Variants in FBLIM1 observed in about 807,000 individuals in gnomAD.
FBLIM1 encodes the protein filamin-binding LIM protein 1.
Under a neutral mutation model 37.4 loss-of-function variants are expected in FBLIM1, and 29 were observed. That is an observed-to-expected ratio of 0.77 (90% CI 0.58 to 1.06). The LOEUF (loss-of-function observed/expected upper bound fraction) is 1.06, where lower values mean the gene tolerates loss of function less well. FBLIM1 is among the 50% of genes least tolerant of loss of function. FBLIM1 has a pLI of 0.00. For synonymous variants in FBLIM1, 193 were observed against 199.0 expected (o/e 0.97, Z 0.25); for missense variants, 449 against 505.6 (o/e 0.89, Z 1.07).
intron 7 of FBLIM1, among the ~76,000 whole-genome samples, chr1:15,776,406 T>TC (rs948778375): frequency 3.0e-4 from 46 of 152,240 alleles, no homozygotes; most frequent in Admixed American, 2.7e-3. Context: ...AGTATGCACA[T>TC]CCCCAAGGAC....
At chr1:15,772,998 C>T (rs2069294370) in intron 6 of FBLIM1, among the ~76,000 whole-genome samples, 1 of 151,628 alleles carries the variant, frequency 6.6e-6, no homozygotes, top group African/African-American at 2.4e-5. Context: ...GTTGGCCAGG[C>T]TTGTCTGGAA....
rs1448407430 is a variant in FBLIM1 at position 15,784,792 on chromosome 1, C to T, written c.*131C>T. 1.9e-5 allele frequency: 14 copies of T among 733,924 alleles called. No homozygotes were observed. The highest frequency in any genetic ancestry group is 2.7e-4 in the Middle Eastern group (1 of 3,688). The allele number at this position is 733,924 out of a possible 1,614,324, so 45.5% of individuals were successfully genotyped here. On this transcript the variant is annotated 3_prime_UTR_variant, in exon 9 of 9. Coordinates refer to ENST00000375766, the MANE Select transcript of FBLIM1 (RefSeq NM_017556.4). ...ATGGAGACCAGCCTGCAAGCCGGCCCAGCCTGTCCAGGATACAGTGGGGCT... is the reference window on the plus strand; with the variant it reads ...ATGGAGACCAGCCTGCAAGCCGGCCTAGCCTGTCCAGGATACAGTGGGGCT...
intron 6 of FBLIM1, among the ~76,000 whole-genome samples, chr1:15,773,508 G>A (rs756953956): frequency 8.6e-5 from 13 of 150,878 alleles, no homozygotes; most frequent in South Asian, 2.1e-4. Flanking sequence ...GAGAAACCCC[G>A]TCTCTACTAA....
At chr1:15,778,837 T>C (rs907181968) in intron 8 of FBLIM1, among the ~76,000 whole-genome samples, 2 of 151,790 alleles carry the variant, frequency 1.3e-5, no homozygotes, top group Admixed American at 6.6e-5. Flanking sequence ...AGATGTGGTT[T>C]CTCCATGTTG....
intron 8 of FBLIM1, among the ~76,000 whole-genome samples, chr1:15,783,607 G>A (rs1013722635): frequency 3.2e-5 from 4 of 125,028 alleles, no homozygotes; most frequent in Non-Finnish European, 6.3e-5. Flanking sequence ...ATGGAGTCTC[G>A]CTCTGTCACC....
At position 15,764,958 on chromosome 1, in the gene FBLIM1, C is replaced by T. The variant is rs1278769054; in HGVS notation, c.-20-6C>T. The T allele has an allele frequency of 1.9e-6, 3 of 1,602,496 alleles. No homozygotes were observed. ...AATCCTGTGCTGTACCCCACTCTGT[C>T]CCTAGCCACACCAGGAGCTGAAGCC... is the stretch of plus-strand genomic sequence containing the variant. On this transcript the variant is annotated splice_region_variant and splice_polypyrimidine_tract_variant and intron_variant, in intron 2 of 8. Transcript: ENST00000375766.
chr1:15,779,747 G>T (rs1292201961), intron 8 of FBLIM1, among the ~76,000 whole-genome samples: 1 of 152,168 alleles, frequency 6.6e-6, no homozygotes, highest in Non-Finnish European at 1.5e-5. Flanking sequence ...TGAGATGGGC[G>T]AGCTGATTAG....
At chr1:15,764,062 C>G (rs568538675) in intron 1 of FBLIM1, among the ~76,000 whole-genome samples, 94 of 152,278 alleles carry the variant, frequency 6.2e-4, no homozygotes, top group African/African-American at 2.0e-3. Context: ...ACTGCCCAGG[C>G]CTGAACCAGG....
At chr1:15,757,467 C>G (rs1035990387), upstream of FBLIM1, among the ~76,000 whole-genome samples, 7 of 152,194 alleles carry the variant, frequency 4.6e-5, no homozygotes, top group Middle Eastern at 3.2e-3. This position sits in a 1 kb window ranked among gnomAD's most constrained non-coding sequence, Gnocchi z 4.1. Flanking sequence ...ATGGCAGCTC[C>G]TGGGACTGCT....
intron 8 of FBLIM1, among the ~76,000 whole-genome samples, chr1:15,781,407 G>T (rs1382914557): frequency 6.6e-6 from 1 of 151,666 alleles, no homozygotes; most frequent in African/African-American, 2.4e-5. Context: ...CCAGCTACTT[G>T]GGAGGTTGAG....
chr1:15,760,531 G>GAAAAA (rs34356141), intron 1 of FBLIM1, among the ~76,000 whole-genome samples: 7 of 97,634 alleles, frequency 7.2e-5, no homozygotes, highest in Non-Finnish European at 1.0e-4. Context: ...TTCTGTCTCA[G>GAAAAA]AAAAAAAAAA....
chr1:15,767,668 CT>C (rs1250973222), intron 4 of FBLIM1, 105 bp downstream of exon 4: 2 of 515,072 alleles, frequency 3.9e-6, no homozygotes, highest in African/African-American at 4.1e-5. Context: ...TGGACTTTGT[CT>C]GGTGCATTCT....
chr1:15,778,903 G>T (rs1482199326), intron 8 of FBLIM1, among the ~76,000 whole-genome samples: 1 of 150,988 alleles, frequency 6.6e-6, no homozygotes, highest in Non-Finnish European at 1.5e-5. Flanking sequence ...CAGCTTCCCA[G>T]AGTGCTGGGA....
Position 15,767,489 on chromosome 1 carries a change from C to T in FBLIM1, c.364C>T (p.Pro122Ser), listed in dbSNP as rs769534182. ...GCTTCTGCCTTCTGAAGAGGAGGCT[C>T]CTGCTCCAATGGGGGCCTCACTCAT... ...PVLLPSEEEA[P>S]APMGASLIAD... Residue 122 changes from proline to serine, a missense_variant, in exon 4 of 9, where the codon CCT becomes TCT. Physicochemically the swap from Pro to Ser is moderately conservative, Grantham distance 74. Coordinates refer to ENST00000375766, the MANE Select transcript of FBLIM1 (RefSeq NM_017556.4). The T allele has an allele frequency of 1.3e-5, 19 of 1,483,614 alleles. No homozygotes were observed. Among genetic ancestry groups the T allele is most frequent in the Middle Eastern group, 2.1e-4 (1 of 4,654 alleles). 91.9% of individuals were successfully genotyped at this position (1,483,614 alleles called of 1,614,324 possible).
intron 7 of FBLIM1, among the ~76,000 whole-genome samples, chr1:15,776,046 C>G (rs2069475624): frequency 6.6e-6 from 1 of 152,086 alleles, no homozygotes; most frequent in South Asian, 2.1e-4. Context: ...TTTTCTAAGG[C>G]CTGAAGTGCC....
At position 15,777,153 on chromosome 1, in the gene FBLIM1, G is replaced by A. The variant is rs2069517889; in HGVS notation, c.891-17G>A. The A allele has an allele frequency of 6.3e-7, 1 of 1,584,292 alleles. No homozygotes were observed. Among genetic ancestry groups the A allele is most frequent in the South Asian group, 1.1e-5 (1 of 89,282 alleles). On this transcript the variant is annotated splice_polypyrimidine_tract_variant and intron_variant, in intron 7 of 8. Transcript: ENST00000375766. ...GTGGCATGAACGCCTCCCAAGCATG[G>A]GTTCCTTTGCTTCTAGGAAATTCGC...
rs146812191 is a variant in FBLIM1 at position 15,760,187 on chromosome 1, C to T, written c.-211+1339C>T. Among the ~76,000 whole-genome samples, 110 of 151,960 alleles carry T rather than the reference C, an allele frequency of 7.2e-4. 2 individuals carry two copies. The Middle Eastern group carries it at 0.014, about 19-fold the overall frequency. ...GCAGTGAGCCGAGATCGCACCACTG[C>T]GCAGCCTGGGCCACAGAATGAGACT... On this transcript the variant is annotated intron_variant, in intron 1 of 8. Transcript: ENST00000375766.
chr1:15,784,933 G>A lies in FBLIM1; in HGVS notation c.*272G>A. On this transcript the variant is annotated 3_prime_UTR_variant, in exon 9 of 9. Transcript: ENST00000375766. Reference sequence around the variant, plus strand: ...TGCCCCACTTCCAGGGAAAAGCTGGGGGAGGTTGGACCCCTCTCACTGACT... The same window carrying A: ...TGCCCCACTTCCAGGGAAAAGCTGGAGGAGGTTGGACCCCTCTCACTGACT... The A allele has an allele frequency of 2.8e-6, 1 of 353,748 alleles. No homozygotes were observed. The highest frequency in any genetic ancestry group is 5.2e-6 in the Non-Finnish European group (1 of 191,192). The allele number at this position is 353,748 out of a possible 1,614,324, so 21.9% of individuals were successfully genotyped here. A position where few individuals can be genotyped will look rare whatever the true frequency, so the allele number is the denominator to read the frequency against.
chr1:15,775,551 A>G (rs2069459744), intron 7 of FBLIM1, among the ~76,000 whole-genome samples: 1 of 151,148 alleles, frequency 6.6e-6, no homozygotes, highest in South Asian at 2.1e-4. Flanking sequence ...AAAAAAAAAG[A>G]AAAGGATATT....
Sources: gnomAD v4.1 joint callset for allele counts (sites outside exome capture counted in the v4.1 genomes callset) on GRCh38, gnomAD v4.1.1 for gene constraint, Gnocchi (gnomAD v3.1) non-coding constraint, MANE v1.5 for transcripts, NCBI Gene and HGNC (gene_info 2026-07-23, HGNC 2026-07-21) for gene names.